The following SINHCAF variants were observed in gnomAD, a reference collection of about 807,000 sequenced individuals.
SINHCAF encodes the protein SIN3-HDAC complex associated factor, also known as SIN3-HDAC complex-associated factor.
SINHCAF carries 3 observed loss-of-function variants against 25.8 expected under a neutral mutation model. The ratio of observed to expected loss-of-function variants is 0.12; its 90% CI spans 0.05 to 0.30. The LOEUF (loss-of-function observed/expected upper bound fraction) is 0.30. Ranked by LOEUF, SINHCAF falls within the 10% of genes least tolerant of loss-of-function variation. The pLI, the probability that SINHCAF is intolerant of heterozygous loss-of-function variation, is 1.00. For synonymous variants in SINHCAF, 70 were observed against 85.5 expected (o/e 0.82, Z 1.00); for missense variants, 121 against 262.3 (o/e 0.46, Z 3.72).
chr12:31,310,152 A>G (rs1422714448), intron 1 of SINHCAF, among the ~76,000 whole-genome samples: 2 of 152,318 alleles, frequency 1.3e-5, no homozygotes, highest in East Asian at 1.9e-4. Context: ...GGCTAAGGGT[A>G]TCACATTCAC....
At chr12:31,292,306 G>C (rs146240855) in intron 4 of SINHCAF, among the ~76,000 whole-genome samples, 3,088 of 151,984 alleles carry the variant, frequency 0.02, 71 homozygotes, top group African/African-American at 0.053. Context: ...TGAGACCAGC[G>C]TGGGCAACAT....
intron 1 of SINHCAF, among the ~76,000 whole-genome samples, chr12:31,321,124 C>T (rs1939678676): frequency 1.3e-5 from 2 of 152,074 alleles, no homozygotes; most frequent in African/African-American, 2.4e-5. Flanking sequence ...CAGATTATTT[C>T]CATAATACAG....
At chr12:31,290,331 A>G (rs1260921939) in intron 4 of SINHCAF, among the ~76,000 whole-genome samples, 1 of 152,008 alleles carries the variant, frequency 6.6e-6, no homozygotes, top group Non-Finnish European at 1.5e-5. Flanking sequence ...TTTAGTAGAC[A>G]GGATTTCGCC....
intron 5 of SINHCAF, among the ~76,000 whole-genome samples, chr12:31,285,000 T>C (rs1361209354): frequency 6.6e-6 from 1 of 152,206 alleles, no homozygotes; most frequent in East Asian, 1.9e-4. Flanking sequence ...TGACTGCAAT[T>C]ACCCTGAATC....
chr12:31,292,915 A>G (rs1938392404), intron 4 of SINHCAF, among the ~76,000 whole-genome samples: 1 of 152,190 alleles, frequency 6.6e-6, no homozygotes, highest in Non-Finnish European at 1.5e-5. Context: ...TTTTAAAAGT[A>G]CTGAGAGCTC....
chr12:31,312,069 TC>T (rs1311026850), intron 1 of SINHCAF: 19 of 515,572 alleles, frequency 3.7e-5, no homozygotes, highest in Non-Finnish European at 6.8e-5. Context: ...ACAGGTGTCA[TC>T]CCAGTCACTG....
At chr12:31,289,525 T>C (rs1938216029) in intron 4 of SINHCAF, among the ~76,000 whole-genome samples, 1 of 152,244 alleles carries the variant, frequency 6.6e-6, no homozygotes. Flanking sequence ...CCTGTTTATG[T>C]GAAGATGTCA....
chr12:31,287,618 A>G lies in SINHCAF; in HGVS notation c.506+16T>C. ...AAGATGGTTTGCTGGTTAGAGAGAT[A>G]CTTTGTTTCTTTTACCTTTTCCAGT... On this transcript the variant is annotated intron_variant, in intron 5 of 5. Coordinates refer to ENST00000337682, the MANE Select transcript of SINHCAF (RefSeq NM_001135812.2). 6.4e-7 allele frequency: 1 copy of G among 1,569,732 alleles called. No individual in the cohort carries two copies. The highest frequency in any genetic ancestry group is 1.7e-5 in the Admixed American group (1 of 57,518).
At chr12:31,309,019 C>T (rs182018018) in intron 1 of SINHCAF, among the ~76,000 whole-genome samples, 1 of 150,576 alleles carries the variant, frequency 6.6e-6, no homozygotes, top group Admixed American at 6.7e-5. Context: ...TCCTAGCTAC[C>T]TGGCAGGCTG....
chr12:31,302,462 C>T (rs1163566210), intron 1 of SINHCAF, among the ~76,000 whole-genome samples: 2 of 149,094 alleles, frequency 1.3e-5, no homozygotes, highest in Non-Finnish European at 3.0e-5. Flanking sequence ...CTCATCATCT[C>T]GGATGCCAGT....
At chr12:31,314,926 C>G (rs544231563) in intron 1 of SINHCAF, among the ~76,000 whole-genome samples, 1 of 152,316 alleles carries the variant, frequency 6.6e-6, no homozygotes, top group Admixed American at 6.5e-5. Flanking sequence ...AAGGTGGAAT[C>G]AGATGTTCTG....
At chr12:31,311,464 G>A (rs1939264957) in intron 1 of SINHCAF, among the ~76,000 whole-genome samples, 1 of 152,108 alleles carries the variant, frequency 6.6e-6, no homozygotes, top group Admixed American at 6.6e-5. Context: ...CTTAACTATG[G>A]CCCATAATTT....
At chr12:31,314,032 T>C (rs900637878) in intron 1 of SINHCAF, among the ~76,000 whole-genome samples, 3 of 151,842 alleles carry the variant, frequency 2.0e-5, no homozygotes, top group Non-Finnish European at 4.4e-5. Context: ...GTTCCCAGAA[T>C]GAGGCAACCA....
chr12:31,296,236 G>A (rs888399294), intron 2 of SINHCAF, among the ~76,000 whole-genome samples: 19 of 152,056 alleles, frequency 1.2e-4, no homozygotes, highest in African/African-American at 4.3e-4. Flanking sequence ...TGGGATTATG[G>A]CTCACTGCAG....
At chr12:31,293,552 T>C (rs1938423002) in intron 4 of SINHCAF, among the ~76,000 whole-genome samples, 1 of 152,130 alleles carries the variant, frequency 6.6e-6, no homozygotes, top group South Asian at 2.1e-4. Context: ...AAGATGTCAA[T>C]AAAGACATCA....
At chr12:31,302,059 C>T (rs1008788859) in intron 1 of SINHCAF, among the ~76,000 whole-genome samples, 3 of 152,108 alleles carry the variant, frequency 2.0e-5, no homozygotes, top group Non-Finnish European at 4.4e-5. Flanking sequence ...TATCACTCAG[C>T]ACTATGTTTT....
At chr12:31,298,347 A>T in intron 1 of SINHCAF, 123 bp from the exon 2 acceptor site, 2 of 1,098,786 alleles carry the variant, frequency 1.8e-6, no homozygotes, top group Non-Finnish European at 2.7e-6. Flanking sequence ...ACAGGCAGGC[A>T]GCTCAAGGGA....
chr12:31,289,395 T>A (rs1433232990), intron 4 of SINHCAF, among the ~76,000 whole-genome samples: 1 of 151,596 alleles, frequency 6.6e-6, no homozygotes, highest in East Asian at 1.9e-4. Flanking sequence ...AAGAGAAAAA[T>A]CTTGAAAGCA....
intron 1 of SINHCAF, chr12:31,312,105 T>C (rs1939292816): frequency 4.3e-6 from 2 of 463,032 alleles, no homozygotes; most frequent in Non-Finnish European, 4.2e-6. Context: ...TGGTAACAAC[T>C]GACATTTATC....
Sources: gnomAD v4.1 joint callset for allele counts (sites outside exome capture counted in the v4.1 genomes callset) on GRCh38, gnomAD v4.1.1 for gene constraint, MANE v1.5 for transcripts, NCBI Gene and HGNC (gene_info 2026-07-23, HGNC 2026-07-21) for gene names.